The following ARHGEF9 variants were observed in gnomAD, a reference collection of about 807,000 sequenced individuals.
The protein encoded by ARHGEF9 is Cdc42 guanine nucleotide exchange factor 9, also known as rho guanine nucleotide exchange factor 9.
ARHGEF9 carries 2 observed loss-of-function variants against 41.3 expected under a neutral mutation model. The observed-to-expected ratio is 0.05, with a 90% CI of 0.02 to 0.15. ARHGEF9 has a LOEUF of 0.15. Among genes scored for constraint, ARHGEF9 ranks in the 10% least tolerant of loss-of-function variants. The pLI, the probability that ARHGEF9 is intolerant of heterozygous loss-of-function variation, is 1.00. For missense variants in ARHGEF9, 225 were observed against 424.7 expected (o/e 0.53, Z 4.13); for synonymous variants, 160 against 154.4 (o/e 1.04, Z -0.27).
chrX:63,729,716 A>C (rs2054167129), intron 1 of ARHGEF9, among the ~76,000 whole-genome samples: 2 of 111,744 alleles, frequency 1.8e-5, no homozygotes, highest in African/African-American at 6.5e-5. Context: ...TGTGGCTTCT[A>C]ACAAAATAAT....
intron 1 of ARHGEF9, among the ~76,000 whole-genome samples, chrX:63,782,554 C>T (rs1381904535): frequency 1.8e-5 from 2 of 112,360 alleles, no homozygotes; most frequent in Non-Finnish European, 3.8e-5. Flanking sequence ...AAATCTTGAA[C>T]AATGTTTTAT....
intron 1 of ARHGEF9, among the ~76,000 whole-genome samples, chrX:63,765,381 C>T (rs1390190560): frequency 9.1e-6 from 1 of 109,512 alleles, no homozygotes; most frequent in Non-Finnish European, 1.9e-5. Flanking sequence ...ACCCAGTTAA[C>T]AAGGATAAAA....
Position 63,724,565 on chromosome X carries a change from A to T in ARHGEF9, c.177T>A (p.Asp59Glu). Residue 59 changes from aspartate to glutamate, a missense_variant, in exon 2 of 10, where the codon GAT (aspartate) becomes GAA (glutamate). Physicochemically the swap from Asp to Glu is conservative, Grantham distance 45. Around this residue, in one of 3 missense-constraint regions of ARHGEF9, gnomAD observed 114 missense variants for 197.9 expected, o/e 0.58. Coordinates refer to ENST00000671741, the MANE Select transcript of ARHGEF9 (RefSeq NM_001353921.2). ...AGCTGGCAGGAAACCATCCCTCCTC[A>T]TCGTCGATCTGGCCCCACCACCAAT... is the stretch of plus-strand genomic sequence containing the variant. ...NKDWWWGQID[D>E]EEGWFPASFV... The T allele has an allele frequency of 1.7e-6, 2 of 1,211,288 alleles. No homozygotes were observed. The highest frequency in any genetic ancestry group is 2.2e-6 in the Non-Finnish European group (2 of 895,457).
chrX:63,690,529 G>A lies in ARHGEF9; in HGVS notation c.582+6596C>T, dbSNP rs183492933. Among the ~76,000 whole-genome samples, 36 of 111,579 alleles carry A rather than the reference G, an allele frequency of 3.2e-4. 1 individual carries two copies. Among genetic ancestry groups the A allele is most frequent in the Admixed American group, 2.9e-3 (31 of 10,514 alleles). ...ATCAAAGAAAAGCCAAGGACCTTAC[G>A]GTTTCACTGCTGAATTCCACCAAAC... is the stretch of plus-strand genomic sequence containing the variant. On this transcript the variant is annotated intron_variant, in intron 4 of 9. Transcript: ENST00000671741.
At chrX:63,750,588 G>T (rs1360863704) in intron 1 of ARHGEF9, among the ~76,000 whole-genome samples, 2 of 112,053 alleles carry the variant, frequency 1.8e-5, no homozygotes, top group Non-Finnish European at 3.8e-5. Context: ...GGTTCTGACA[G>T]ATGGAGGCTG....
intron 4 of ARHGEF9, among the ~76,000 whole-genome samples, chrX:63,680,146 T>C (rs2050524896): frequency 8.9e-6 from 1 of 112,237 alleles, no homozygotes; most frequent in Admixed American, 9.4e-5. Flanking sequence ...GTCAGTAAGA[T>C]GGCAGAGTAG....
intron 4 of ARHGEF9, among the ~76,000 whole-genome samples, chrX:63,690,598 A>G (rs2051278664): frequency 8.9e-6 from 1 of 111,932 alleles, no homozygotes; most frequent in Admixed American, 9.5e-5. Context: ...ATTATTTCAA[A>G]AAAGTAAAGA....
At chrX:63,710,633 A>AT (rs2052873353) in intron 2 of ARHGEF9, among the ~76,000 whole-genome samples, 1 of 111,043 alleles carries the variant, frequency 9.0e-6, no homozygotes, top group African/African-American at 3.3e-5. Flanking sequence ...ACACCCTTTC[A>AT]TGATTAAAAA....
Position 63,635,293 on chromosome X carries a change from AAAG to A in ARHGEF9, c.*2732_*2734del, listed in dbSNP as rs1237142671. ...AATATACACATAGAGAGGGGGGGAA[AAAG>A]AGAGAATAATTAGATGTCTGTCTTA... On this transcript the variant is annotated 3_prime_UTR_variant, in exon 10 of 10. Transcript: ENST00000671741. 5.8e-6 allele frequency: 3 copies of A among 516,891 alleles called. No homozygotes were observed. The African/African-American group carries it at 7.1e-5, about 12-fold the overall frequency. The allele number at this position is 516,891 out of a possible 1,213,427, so 42.6% of individuals were successfully genotyped here.
chrX:63,735,947 G>A (rs2054595211), intron 1 of ARHGEF9, among the ~76,000 whole-genome samples: 1 of 112,034 alleles, frequency 8.9e-6, no homozygotes, highest in Non-Finnish European at 1.9e-5. Flanking sequence ...CCAAGGCCAA[G>A]GCACCTAGCA....
intron 1 of ARHGEF9, among the ~76,000 whole-genome samples, chrX:63,775,867 C>A (rs1442051032): frequency 1.8e-5 from 2 of 111,533 alleles, no homozygotes; most frequent in African/African-American, 6.5e-5. Context: ...ATCAAAAGTA[C>A]ATTTAAATAC....
chrX:63,668,498 A>G (rs182271418), intron 6 of ARHGEF9, among the ~76,000 whole-genome samples: 11 of 111,797 alleles, frequency 9.8e-5, no homozygotes, highest in African/African-American at 3.2e-4. Flanking sequence ...AAATTAAAAT[A>G]ATACTCCTCT....
chrX:63,645,850 G>A (rs782695021), intron 8 of ARHGEF9, among the ~76,000 whole-genome samples: 1 of 111,947 alleles, frequency 8.9e-6, no homozygotes, highest in East Asian at 2.8e-4. Flanking sequence ...CACCAACAGT[G>A]TAAAAGTGTT....
chrX:63,759,293 T>C (rs782591405), intron 1 of ARHGEF9, among the ~76,000 whole-genome samples: 1 of 111,156 alleles, frequency 9.0e-6, no homozygotes, highest in African/African-American at 3.3e-5. Context: ...TCCTCTACAT[T>C]TGGAGTAGCA....
chrX:63,647,549 G>C (rs1316491361), intron 8 of ARHGEF9, among the ~76,000 whole-genome samples: 1 of 111,765 alleles, frequency 8.9e-6, no homozygotes, highest in Non-Finnish European at 1.9e-5. Context: ...ATTTGCATAT[G>C]TTGAACCAGC....
chrX:63,739,525 T>C (rs2054824798), intron 1 of ARHGEF9, among the ~76,000 whole-genome samples: 1 of 111,507 alleles, frequency 9.0e-6, no homozygotes, highest in Non-Finnish European at 1.9e-5. Context: ...AATTCATTGG[T>C]GGCAGCCCAG....
chrX:63,650,028 A>G (rs2048433369), intron 8 of ARHGEF9, among the ~76,000 whole-genome samples: 1 of 111,962 alleles, frequency 8.9e-6, no homozygotes, highest in Non-Finnish European at 1.9e-5. Context: ...AGAAACAGAA[A>G]TAAACTGCAG....
chrX:63,767,202 T>A, intron 1 of ARHGEF9: 1 of 636,192 alleles, frequency 1.6e-6, no homozygotes, highest in Non-Finnish European at 2.6e-6. Flanking sequence ...TTGGCTAGTT[T>A]AAGGAGACTG....
chrX:63,650,787 C>T (rs2048494103), intron 8 of ARHGEF9, among the ~76,000 whole-genome samples: 1 of 109,401 alleles, frequency 9.1e-6, no homozygotes, highest in African/African-American at 3.3e-5. Flanking sequence ...ATTATATATA[C>T]ATAAAAAAGA....
Sources: gnomAD v4.1 joint callset for allele counts (sites outside exome capture counted in the v4.1 genomes callset) on GRCh38, gnomAD v4.1.1 for gene constraint, gnomAD v4.1.1 regional missense constraint, MANE v1.5 for transcripts, NCBI Gene and HGNC (gene_info 2026-07-23, HGNC 2026-07-21) for gene names.